WWTR1: variants seen among roughly 807,000 people sequenced by gnomAD.
The protein encoded by WWTR1 is WW domain-containing transcription regulator protein 1.
A neutral mutation model predicts 40.1 loss-of-function variants in WWTR1; 13 were observed. The observed-to-expected ratio is 0.32, with a 90% CI of 0.21 to 0.52. The LOEUF (loss-of-function observed/expected upper bound fraction) is 0.52. WWTR1 is among the 20% of genes least tolerant of loss of function. WWTR1 has a pLI of 0.97. For synonymous variants in WWTR1, 230 were observed against 210.1 expected (o/e 1.09, Z -0.82); for missense variants, 436 against 523.1 (o/e 0.83, Z 1.63).
intron 2 of WWTR1, among the ~76,000 whole-genome samples, chr3:149,594,519 T>C (rs1377535257): frequency 6.6e-6 from 1 of 152,204 alleles, no homozygotes; most frequent in East Asian, 1.9e-4. Flanking sequence ...TGTATTTTTG[T>C]GAAAAATTTT....
At chr3:149,692,952 A>G (rs776363393) in intron 1 of WWTR1, among the ~76,000 whole-genome samples, 3 of 152,130 alleles carry the variant, frequency 2.0e-5, no homozygotes, top group Non-Finnish European at 2.9e-5. Flanking sequence ...CACCACTGTT[A>G]TTCAACATAC....
At chr3:149,586,925 G>A (rs1738457213) in intron 2 of WWTR1, among the ~76,000 whole-genome samples, 1 of 152,200 alleles carries the variant, frequency 6.6e-6, no homozygotes, top group Non-Finnish European at 1.5e-5. Flanking sequence ...TCCAGAGAGG[G>A]TGTGGAAGCT....
intron 4 of WWTR1, among the ~76,000 whole-genome samples, chr3:149,541,271 T>C (rs952496192): frequency 2.0e-5 from 3 of 152,202 alleles, no homozygotes; most frequent in African/African-American, 4.8e-5. Flanking sequence ...TGCTCTTCCA[T>C]AGACCAAGCC....
At chr3:149,568,451 T>C (rs1192879555) in intron 3 of WWTR1, among the ~76,000 whole-genome samples, 1 of 143,744 alleles carries the variant, frequency 7.0e-6, no homozygotes. Flanking sequence ...AAAGCCTGAT[T>C]TGGCAAATAC....
At position 149,527,981 on chromosome 3, in the gene WWTR1, A is replaced by G; in HGVS notation, c.772-12T>C. On this transcript the variant is annotated splice_polypyrimidine_tract_variant and intron_variant, in intron 4 of 6. Coordinates refer to ENST00000360632, the MANE Select transcript of WWTR1 (RefSeq NM_015472.6). ...CAGAGGGCAGCTTCCTACAGTCAGA[A>G]TGGGAAGCAAGAGTCATGCACTCAT... 1 of 1,612,614 alleles carries G rather than the reference A, an allele frequency of 6.2e-7. No individual in the cohort carries two copies. The highest frequency in any genetic ancestry group is 1.3e-5 in the African/African-American group (1 of 74,968).
chr3:149,607,012 T>G (rs1213276745), intron 2 of WWTR1, among the ~76,000 whole-genome samples: 1 of 152,210 alleles, frequency 6.6e-6, no homozygotes, highest in Admixed American at 6.5e-5. Flanking sequence ...GGACTATTGG[T>G]TACGGTTATA....
upstream of WWTR1, among the ~76,000 whole-genome samples, chr3:149,662,256 T>C (rs2108175713): frequency 6.6e-6 from 1 of 152,288 alleles, no homozygotes; most frequent in South Asian, 2.1e-4. Context: ...CTGCATCCTG[T>C]GTGAGCCAGG....
intron 4 of WWTR1, chr3:149,717,589 TTG>T (rs1715644589): frequency 6.6e-6 from 1 of 152,138 alleles, no homozygotes; most frequent in African/African-American, 2.4e-5. Flanking sequence ...GAAAAAGGAT[TTG>T]TGTCTCTGAG....
At chr3:149,677,065 C>T (rs1318305230) in intron 1 of WWTR1, among the ~76,000 whole-genome samples, 2 of 151,872 alleles carry the variant, frequency 1.3e-5, no homozygotes, top group Non-Finnish European at 2.9e-5. Flanking sequence ...TACAGGCATG[C>T]GCCACCACGC....
chr3:149,684,597 T>G (rs1258459639), intron 1 of WWTR1, among the ~76,000 whole-genome samples: 2 of 151,708 alleles, frequency 1.3e-5, no homozygotes, highest in Non-Finnish European at 1.5e-5. Flanking sequence ...AGTGTCTCAC[T>G]CTGTCACCCA....
intron 3 of WWTR1, among the ~76,000 whole-genome samples, chr3:149,570,569 A>AAATAATAATAATAATAAT (rs71135699): frequency 4.8e-5 from 7 of 146,514 alleles, no homozygotes; most frequent in African/African-American, 1.5e-4. Flanking sequence ...CTCTTTCTCA[A>AAATAATAATAATAATAAT]AATAATAATA....
At chr3:149,602,664 TC>T (rs536294614) in intron 2 of WWTR1, among the ~76,000 whole-genome samples, 55 of 152,066 alleles carry the variant, frequency 3.6e-4, no homozygotes, top group African/African-American at 8.2e-4. Context: ...AGAAAAGGCT[TC>T]CCCCCCAACT....
chr3:149,620,411 A>C (rs1024899955), intron 2 of WWTR1, among the ~76,000 whole-genome samples: 1 of 152,294 alleles, frequency 6.6e-6, no homozygotes, highest in Non-Finnish European at 1.5e-5. Flanking sequence ...CTAAGATGAC[A>C]GTAGGTGTGA....
chr3:149,624,302 G>T (rs932478112), intron 2 of WWTR1, among the ~76,000 whole-genome samples: 3 of 152,100 alleles, frequency 2.0e-5, no homozygotes, highest in Non-Finnish European at 4.4e-5. Flanking sequence ...TCCTGCCAAT[G>T]GAGAAGGCAA....
chr3:149,691,943 GA>G (rs1194274396), intron 1 of WWTR1, among the ~76,000 whole-genome samples: 2 of 152,090 alleles, frequency 1.3e-5, no homozygotes, highest in African/African-American at 2.4e-5. Context: ...GTGAACCTGG[GA>G]GGCAGAGCTT....
intron 3 of WWTR1, among the ~76,000 whole-genome samples, chr3:149,562,146 T>C (rs1001443662): frequency 6.6e-6 from 1 of 151,940 alleles, no homozygotes; most frequent in African/African-American, 2.4e-5. Context: ...AATACAAAAA[T>C]TAGCCGGGCA....
rs1433353415 is a variant in WWTR1, at chr3:149,573,221, G to A, written c.432-221C>T. On this transcript the variant is annotated intron_variant, in intron 2 of 6. Coordinates refer to ENST00000360632, the MANE Select transcript of WWTR1 (RefSeq NM_015472.6). The stretch of plus-strand genomic sequence containing the variant: ...TCTGCAAGCAGCTCTCTAAACACAA[G>A]CCCAAGACATCGCTGTCCAGACAGC... Among the ~76,000 whole-genome samples, 3 of 152,056 alleles carry A rather than the reference G, an allele frequency of 2.0e-5. No individual in the cohort carries two copies. In the East Asian group the frequency reaches 5.8e-4, roughly 29 times the overall value.
chr3:149,522,737 T>A (rs1735116165), intron 6 of WWTR1, among the ~76,000 whole-genome samples: 1 of 152,092 alleles, frequency 6.6e-6, no homozygotes, highest in South Asian at 2.1e-4. Context: ...GCAAAATCTC[T>A]GTTTTAAAGA....
At chr3:149,587,283 T>A (rs773179658) in intron 2 of WWTR1, among the ~76,000 whole-genome samples, 3 of 152,142 alleles carry the variant, frequency 2.0e-5, no homozygotes, top group Admixed American at 6.5e-5. Flanking sequence ...CTGTGTTGGA[T>A]GGTGTGTGAG....
Sources: gnomAD v4.1 joint callset for allele counts (sites outside exome capture counted in the v4.1 genomes callset) on GRCh38, gnomAD v4.1.1 for gene constraint, MANE v1.5 for transcripts, NCBI Gene and HGNC (gene_info 2026-07-23, HGNC 2026-07-21) for gene names.